The following EFCAB11 variants were observed in gnomAD, a reference collection of about 807,000 sequenced individuals.
EFCAB11 encodes EF-hand calcium binding domain 11.
A neutral mutation model predicts 23.0 loss-of-function variants in EFCAB11; 14 were observed. The observed-to-expected ratio is 0.61, with a 90% CI of 0.40 to 0.95. EFCAB11 has a LOEUF of 0.95. Among genes scored for constraint, EFCAB11 ranks in the 40% least tolerant of loss-of-function variants. The pLI is 0.00. For synonymous variants in EFCAB11, 65 were observed against 66.6 expected (o/e 0.98, Z 0.11); for missense variants, 198 against 195.8 (o/e 1.01, Z -0.07).
upstream of EFCAB11, chr14:89,954,764 G>C (rs1289699177): frequency 6.7e-7 from 1 of 1,492,302 alleles, no homozygotes; most frequent in African/African-American, 1.4e-5. Flanking sequence ...TCAGGAAGCC[G>C]AACTTCACCG....
At chr14:89,904,817 G>A (rs1263511694) in intron 5 of EFCAB11, among the ~76,000 whole-genome samples, 1 of 152,094 alleles carries the variant, frequency 6.6e-6, no homozygotes, top group Non-Finnish European at 1.5e-5. Context: ...ACTTTTTGAT[G>A]GGGTTGTTGT....
chr14:89,824,714 T>G lies in EFCAB11; in HGVS notation c.411-27390A>C, dbSNP rs1426911028. On this transcript the variant is annotated intron_variant, in intron 5 of 5. Coordinates refer to ENST00000316738, the MANE Select transcript of EFCAB11 (RefSeq NM_145231.4). ...AATGATAATCACAGCAAAGAAAGAA[T>G]AGCCACATCAATATTACTGCTGAAC... Among the ~76,000 whole-genome samples, 3 of 151,968 alleles carry G rather than the reference T, an allele frequency of 2.0e-5. No homozygotes were observed. In the East Asian group the frequency reaches 5.8e-4, roughly 29 times the overall value.
chr14:89,826,375 G>A (rs928458367), intron 5 of EFCAB11, among the ~76,000 whole-genome samples: 2 of 152,074 alleles, frequency 1.3e-5, no homozygotes, highest in East Asian at 1.9e-4. Context: ...AACTATAAAT[G>A]TGGGAACTCC....
At chr14:89,906,608 TTG>T (rs1333328419) in intron 5 of EFCAB11, among the ~76,000 whole-genome samples, 2 of 152,120 alleles carry the variant, frequency 1.3e-5, no homozygotes, top group African/African-American at 4.8e-5. Context: ...AGACAGAAAA[TTG>T]TGTGTGATTT....
chr14:89,874,420 C>A (rs1334270634), intron 5 of EFCAB11, among the ~76,000 whole-genome samples: 2 of 152,176 alleles, frequency 1.3e-5, no homozygotes, highest in African/African-American at 4.8e-5. Flanking sequence ...TAACATTTGG[C>A]TCCTTGTTAT....
At chr14:89,814,350 G>A (rs2140093554) in intron 5 of EFCAB11, among the ~76,000 whole-genome samples, 2 of 152,240 alleles carry the variant, frequency 1.3e-5, no homozygotes. Context: ...CATGCTTCCA[G>A]AGTCCAAGCC....
chr14:89,932,736 T>C, intron 3 of EFCAB11, 109 bp from the exon 4 acceptor site: 1 of 898,500 alleles, frequency 1.1e-6, no homozygotes, highest in East Asian at 2.6e-5. Context: ...AAATTTTATC[T>C]TAATTTTGGT....
intron 5 of EFCAB11, among the ~76,000 whole-genome samples, chr14:89,894,452 A>T (rs1727872209): frequency 8.2e-6 from 1 of 121,844 alleles, no homozygotes; most frequent in Non-Finnish European, 1.6e-5. Flanking sequence ...GGCCCCCAGT[A>T]TGTGATGTTC....
chr14:89,893,255 C>T lies in EFCAB11; in HGVS notation c.410+38286G>A, dbSNP rs148660780. 4.8e-3 allele frequency among the ~76,000 whole-genome samples: 730 copies of T among 152,254 alleles called. 5 individuals are homozygous for T. The highest frequency in any genetic ancestry group is 0.016 in the African/African-American group (681 of 41,556). On this transcript the variant is annotated intron_variant, in intron 5 of 5. Coordinates refer to ENST00000316738, the MANE Select transcript of EFCAB11 (RefSeq NM_145231.4). The stretch of plus-strand genomic sequence containing the variant: ...AGCTTGGCTTGGAGGCTCCTTATGT[C>T]CTCAGGCTAAAATGATTCTGGGAAT...
At chr14:89,854,474 A>G (rs10137248) in intron 5 of EFCAB11, among the ~76,000 whole-genome samples, 3,161 of 152,228 alleles carry the variant, frequency 0.021, 107 homozygotes, top group African/African-American at 0.071. Flanking sequence ...CACAGCCAAG[A>G]AAGTCCTCTG....
intron 5 of EFCAB11, among the ~76,000 whole-genome samples, chr14:89,855,125 T>A (rs1887711155): frequency 6.6e-6 from 1 of 151,854 alleles, no homozygotes; most frequent in South Asian, 2.1e-4. Context: ...ATGAAGAACA[T>A]CAGGTAATAC....
intron 5 of EFCAB11, among the ~76,000 whole-genome samples, chr14:89,929,130 T>C (rs985149486): frequency 1.3e-5 from 2 of 149,300 alleles, no homozygotes; most frequent in African/African-American, 4.9e-5. Context: ...CACTGCAGCC[T>C]CGAACTTCTG....
chr14:89,906,938 A>G (rs376313543), intron 5 of EFCAB11, among the ~76,000 whole-genome samples: 3 of 152,246 alleles, frequency 2.0e-5, no homozygotes, highest in African/African-American at 7.2e-5. Flanking sequence ...TTACCATTAG[A>G]TCACTGTACT....
At chr14:89,942,949 A>G (rs1890842054) in intron 3 of EFCAB11, among the ~76,000 whole-genome samples, 1 of 152,192 alleles carries the variant, frequency 6.6e-6, no homozygotes, top group Non-Finnish European at 1.5e-5. Flanking sequence ...ATCCAGGTTT[A>G]GGTATAATCC....
intron 5 of EFCAB11, among the ~76,000 whole-genome samples, chr14:89,893,863 T>TATA (rs1269430755): frequency 6.6e-6 from 1 of 151,918 alleles, no homozygotes; most frequent in African/African-American, 2.4e-5. Flanking sequence ...TGAATTGATA[T>TATA]TAAAACTATA....
intron 2 of EFCAB11, among the ~76,000 whole-genome samples, chr14:89,951,900 G>A (rs1596473852): frequency 6.6e-6 from 1 of 152,150 alleles, no homozygotes; most frequent in African/African-American, 2.4e-5. Context: ...ACTCTAGCCT[G>A]GGTGACAGAG....
intron 5 of EFCAB11, among the ~76,000 whole-genome samples, chr14:89,914,812 C>G (rs1889785178): frequency 6.6e-6 from 1 of 151,686 alleles, no homozygotes; most frequent in Non-Finnish European, 1.5e-5. Context: ...AAGAGAGAGA[C>G]AGTTATGAAA....
At chr14:89,931,369 AG>A in intron 5 of EFCAB11, 171 bp downstream of exon 5, 1 of 611,142 alleles carries the variant, frequency 1.6e-6, no homozygotes, top group Non-Finnish European at 2.8e-6. Flanking sequence ...GGGGCATGGA[AG>A]GACCCATAGC....
intron 5 of EFCAB11, among the ~76,000 whole-genome samples, chr14:89,854,037 C>T (rs1182186646): frequency 2.6e-5 from 4 of 151,912 alleles, no homozygotes; most frequent in Non-Finnish European, 5.9e-5. Context: ...AGCAAGAGTG[C>T]CAGCACATCT....
Sources: gnomAD v4.1 joint callset for allele counts (sites outside exome capture counted in the v4.1 genomes callset) on GRCh38, gnomAD v4.1.1 for gene constraint, MANE v1.5 for transcripts, NCBI Gene and HGNC (gene_info 2026-07-23, HGNC 2026-07-21) for gene names.